PTTG1IP2: variants seen among roughly 807,000 people sequenced by gnomAD.
PTTG1IP2 encodes the protein PTTG1IP family member 2.
intron 1 of PTTG1IP2, among the ~76,000 whole-genome samples, chr7:90,471,906 AC>A (rs1307075910): frequency 6.6e-6 from 1 of 152,106 alleles, no homozygotes; most frequent in African/African-American, 2.4e-5. Context: ...GTCCAAAGAT[AC>A]CCCTTCATGG....
intron 1 of PTTG1IP2, among the ~76,000 whole-genome samples, chr7:90,472,011 G>A (rs1797694135): frequency 1.3e-5 from 2 of 152,066 alleles, no homozygotes; most frequent in Admixed American, 1.3e-4. Context: ...TTCTAACAAA[G>A]CCTGGCACAG....
At chr7:90,503,668 C>T (rs1798085994) in intron 6 of PTTG1IP2, among the ~76,000 whole-genome samples, 1 of 152,154 alleles carries the variant, frequency 6.6e-6, no homozygotes, top group Admixed American at 6.6e-5. Flanking sequence ...GTCAGTGGAG[C>T]AGTCAGAACA....
intron 2 of PTTG1IP2, among the ~76,000 whole-genome samples, chr7:90,481,583 A>AGGTT (rs1349971038): frequency 6.6e-6 from 1 of 152,168 alleles, no homozygotes; most frequent in Non-Finnish European, 1.5e-5. Context: ...CCTTAGGTAT[A>AGGTT]AACTTCATTC....
At chr7:90,480,152 C>T (rs1460421007) in intron 2 of PTTG1IP2, among the ~76,000 whole-genome samples, 1 of 152,122 alleles carries the variant, frequency 6.6e-6, no homozygotes, top group East Asian at 1.9e-4. Context: ...CTGCCTTCCT[C>T]AACCCTGTGT....
At chr7:90,473,622 G>A (rs1797714606) in intron 1 of PTTG1IP2, among the ~76,000 whole-genome samples, 1 of 152,222 alleles carries the variant, frequency 6.6e-6, no homozygotes, top group African/African-American at 2.4e-5. Context: ...GAATTGTGAT[G>A]TAAAACTGAA....
intron 1 of PTTG1IP2, among the ~76,000 whole-genome samples, chr7:90,476,012 A>T (rs7811613): frequency 1.3e-5 from 2 of 152,164 alleles, no homozygotes; most frequent in African/African-American, 4.8e-5. Flanking sequence ...AAACTAGAAC[A>T]TATTAACAGA....
rs910611158 is a variant in PTTG1IP2, at chr7:90,477,541, C to T, written c.146-1687C>T. Reference sequence around the variant, plus strand: ...CATCAGACAAATCCTAGTTGAGGGGCATTCTGCAAAATATCTGAAAGTACT... The same window carrying T: ...CATCAGACAAATCCTAGTTGAGGGGTATTCTGCAAAATATCTGAAAGTACT... On this transcript the variant is annotated intron_variant, in intron 1 of 6. Transcript: ENST00000509356. Among the ~76,000 whole-genome samples the T allele has an allele frequency of 3.3e-5, 5 of 152,302 alleles. No individual in the cohort carries two copies. The East Asian group carries it at 7.7e-4, about 24-fold the overall frequency.
intron 1 of PTTG1IP2, among the ~76,000 whole-genome samples, chr7:90,472,263 T>G (rs1797697960): frequency 7.1e-6 from 1 of 141,532 alleles, no homozygotes; most frequent in African/African-American, 2.7e-5. Context: ...AATAAAGGAG[T>G]ATACGATAGC....
chr7:90,489,568 A>G (rs796154094), intron 4 of PTTG1IP2, among the ~76,000 whole-genome samples: 40 of 151,848 alleles, frequency 2.6e-4, no homozygotes, highest in African/African-American at 9.6e-4. Flanking sequence ...CCTAAATTCT[A>G]TAAGCTTTCT....
intron 4 of PTTG1IP2, among the ~76,000 whole-genome samples, chr7:90,491,430 C>G (rs1584695970): frequency 6.6e-6 from 1 of 152,220 alleles, no homozygotes; most frequent in East Asian, 1.9e-4. Context: ...CGAGACCAGC[C>G]TGGCCAACAT....
At chr7:90,507,580 A>G (rs1038629722) in intron 6 of PTTG1IP2, among the ~76,000 whole-genome samples, 1 of 152,222 alleles carries the variant, frequency 6.6e-6, no homozygotes, top group Admixed American at 6.5e-5. Flanking sequence ...GGAAGGAGCC[A>G]GGCAAGATAG....
At chr7:90,479,501 A>G (rs1797792037) in intron 2 of PTTG1IP2, among the ~76,000 whole-genome samples, 1 of 152,196 alleles carries the variant, frequency 6.6e-6, no homozygotes, top group Admixed American at 6.5e-5. Context: ...CTGGAAAATT[A>G]TGCTTCAAAA....
rs144391146 is a variant in PTTG1IP2, at chr7:90,481,406, T to A, written c.192+2132T>A. Among the ~76,000 whole-genome samples, 179 of 152,288 alleles carry A rather than the reference T, an allele frequency of 1.2e-3. 1 individual carries two copies. The highest frequency in any genetic ancestry group is 3.7e-3 in the African/African-American group (152 of 41,572). ...TGAGCATATTTCATCAACATCTGCA[T>A]GAATACAGCTACAAAGTCACAATTT... On this transcript the variant is annotated intron_variant, in intron 2 of 6. Coordinates refer to ENST00000509356, the MANE Select transcript of PTTG1IP2 (RefSeq NM_001365443.2).
chr7:90,487,834 T>C (rs551596436), intron 3 of PTTG1IP2, among the ~76,000 whole-genome samples: 47 of 152,316 alleles, frequency 3.1e-4, no homozygotes, highest in African/African-American at 1.1e-3. Context: ...AGAATGTTTG[T>C]ATTCTTATGT....
At chr7:90,485,276 A>G (rs1797861220) in intron 2 of PTTG1IP2, among the ~76,000 whole-genome samples, 3 of 152,022 alleles carry the variant, frequency 2.0e-5, no homozygotes, top group African/African-American at 7.2e-5. Context: ...CCATCCCCAT[A>G]TTTTCCTAAA....
At chr7:90,508,924 C>T (rs1404270773) in intron 6 of PTTG1IP2, among the ~76,000 whole-genome samples, 2 of 152,134 alleles carry the variant, frequency 1.3e-5, no homozygotes, top group African/African-American at 4.8e-5. Context: ...TGCGCAGTGG[C>T]CCTGCTCAAT....
At chr7:90,483,593 T>C (rs1261661792) in intron 2 of PTTG1IP2, among the ~76,000 whole-genome samples, 1 of 152,184 alleles carries the variant, frequency 6.6e-6, no homozygotes, top group Non-Finnish European at 1.5e-5. Flanking sequence ...ACTTATTCTG[T>C]GCTTATTCTA....
At chr7:90,506,011 A>G (rs1015411993) in intron 6 of PTTG1IP2, among the ~76,000 whole-genome samples, 6 of 147,216 alleles carry the variant, frequency 4.1e-5, no homozygotes, top group Non-Finnish European at 7.4e-5. Context: ...AAAAAAAAAA[A>G]AAAAAAAAAG....
chr7:90,479,396 T>C (rs1797790633), intron 2 of PTTG1IP2, 122 bp downstream of exon 2: 1 of 152,512 alleles, frequency 6.6e-6, no homozygotes, highest in African/African-American at 2.4e-5. Flanking sequence ...GAATGACTCA[T>C]AACAGTTATT....
Sources: gnomAD v4.1 joint callset for allele counts (sites outside exome capture counted in the v4.1 genomes callset) on GRCh38, gnomAD v4.1.1 for gene constraint, MANE v1.5 for transcripts, NCBI Gene and HGNC (gene_info 2026-07-23, HGNC 2026-07-21) for gene names.